Variants in CDYL2 observed in about 807,000 individuals in gnomAD.
CDYL2 encodes chromodomain Y like 2, also known as chromodomain Y-like protein 2.
Under a neutral mutation model 49.4 loss-of-function variants are expected in CDYL2, and 23 were observed. The observed-to-expected ratio is 0.47, with a 90% CI of 0.34 to 0.66. The LOEUF is 0.66. CDYL2 is among the 30% of genes least tolerant of loss of function. The pLI, the probability that CDYL2 is intolerant of heterozygous loss-of-function variation, is 0.01. For missense variants in CDYL2, 678 were observed against 656.4 expected (o/e 1.03, Z -0.36); for synonymous variants, 360 against 268.8 (o/e 1.34, Z -3.32).
chr16:80,712,215 A>ATATATATATATCTATCTC (rs763194077), intron 1 of CDYL2, among the ~76,000 whole-genome samples: 3 of 128,358 alleles, frequency 2.3e-5, no homozygotes, highest in African/African-American at 8.0e-5. Context: ...ATATATATAT[A>ATATATATATATCTATCTC]TCTCCAAACC....
intron 1 of CDYL2, among the ~76,000 whole-genome samples, chr16:80,741,716 A>C (rs1905741934): frequency 6.6e-6 from 1 of 152,240 alleles, no homozygotes; most frequent in African/African-American, 2.4e-5. Context: ...CACCAGTAAT[A>C]AAAGTATTGA....
chr16:80,625,888 T>G (rs1389489519), intron 3 of CDYL2, among the ~76,000 whole-genome samples: 1 of 152,146 alleles, frequency 6.6e-6, no homozygotes, highest in Non-Finnish European at 1.5e-5. Context: ...ATTAGGCATT[T>G]TCAGTCAAAG....
intron 3 of CDYL2, among the ~76,000 whole-genome samples, chr16:80,624,987 G>A (rs912311942): frequency 2.0e-5 from 3 of 152,156 alleles, no homozygotes; most frequent in Admixed American, 2.0e-4. Flanking sequence ...ATTCTATCAG[G>A]AGATCACAGA....
At chr16:80,610,333 G>A (rs954686027) in intron 5 of CDYL2, among the ~76,000 whole-genome samples, 9 of 152,200 alleles carry the variant, frequency 5.9e-5, no homozygotes, top group Non-Finnish European at 1.3e-4. Flanking sequence ...TCCTGAGAAT[G>A]TGCGGAGCTG....
chr16:80,772,280 A>G lies in CDYL2; in HGVS notation c.24+31870T>C, dbSNP rs139887076. On this transcript the variant is annotated intron_variant, in intron 1 of 6. Coordinates refer to ENST00000570137, the MANE Select transcript of CDYL2 (RefSeq NM_152342.4). ...AAGGCTGGACATGGAGAGGGAAGTA[A>G]AGACACAAAAATGAAAAACTGGAGA... 2.1e-3 allele frequency among the ~76,000 whole-genome samples: 317 copies of G among 152,332 alleles called. 2 individuals are homozygous for G. Among genetic ancestry groups the G allele is most frequent in the Non-Finnish European group, 2.9e-3 (197 of 68,026 alleles).
chr16:80,686,968 A>G (rs1286840685), intron 1 of CDYL2, among the ~76,000 whole-genome samples: 4 of 152,260 alleles, frequency 2.6e-5, no homozygotes, highest in Non-Finnish European at 5.9e-5. Context: ...TTGAAAAAGT[A>G]AAATCATGCC....
chr16:80,723,949 A>G (rs147815736), intron 1 of CDYL2, among the ~76,000 whole-genome samples: 1 of 147,112 alleles, frequency 6.8e-6, no homozygotes, highest in Non-Finnish European at 1.5e-5. Flanking sequence ...GAAGAGGAGA[A>G]AAAGGGGGGA....
At chr16:80,629,070 T>C (rs1907433186) in intron 3 of CDYL2, among the ~76,000 whole-genome samples, 1 of 152,154 alleles carries the variant, frequency 6.6e-6, no homozygotes, top group Non-Finnish European at 1.5e-5. Flanking sequence ...AGGACAGGTA[T>C]GTGAGGTGGG....
chr16:80,712,169 A>G (rs954498725), intron 1 of CDYL2, among the ~76,000 whole-genome samples: 4 of 109,868 alleles, frequency 3.6e-5, no homozygotes, highest in Admixed American at 1.0e-4. Flanking sequence ...GTGTATATAT[A>G]TGTGTCTTTG....
At chr16:80,723,951 AAG>A (rs1309577899) in intron 1 of CDYL2, among the ~76,000 whole-genome samples, 2 of 145,670 alleles carry the variant, frequency 1.4e-5, no homozygotes, top group Admixed American at 1.4e-4. Context: ...AGAGGAGAAA[AAG>A]GGGGGAGAAA....
intron 2 of CDYL2, among the ~76,000 whole-genome samples, chr16:80,660,309 T>C (rs974580263): frequency 4.6e-5 from 7 of 152,062 alleles, no homozygotes; most frequent in African/African-American, 1.7e-4. Context: ...TAATGTTGGG[T>C]GTATAAAATA....
chr16:80,724,657 C>G lies in CDYL2; in HGVS notation c.25-39528G>C, dbSNP rs756716389. Among the ~76,000 whole-genome samples, 4 of 152,306 alleles carry G rather than the reference C, an allele frequency of 2.6e-5. No individual in the cohort carries two copies. In the South Asian group the frequency reaches 8.3e-4, roughly 32 times the overall value. ...AGGCTTTGTTTCACATACATATACA[C>G]ACATGCATTTGTGTACTAGGCCCAT... On this transcript the variant is annotated intron_variant, in intron 1 of 6. Transcript: ENST00000570137.
At chr16:80,715,768 C>A (rs1904776793) in intron 1 of CDYL2, among the ~76,000 whole-genome samples, 1 of 152,204 alleles carries the variant, frequency 6.6e-6, no homozygotes, top group East Asian at 1.9e-4. Context: ...GCCCCTTCAC[C>A]TTCCATCTCC....
intron 1 of CDYL2, among the ~76,000 whole-genome samples, chr16:80,699,831 T>C (rs1189053568): frequency 1.3e-5 from 2 of 152,146 alleles, no homozygotes; most frequent in South Asian, 2.1e-4. Flanking sequence ...GGTTGAAAGG[T>C]ATGTGGAAAA....
intron 3 of CDYL2, among the ~76,000 whole-genome samples, chr16:80,624,412 G>A (rs1405328334): frequency 1.3e-5 from 2 of 152,182 alleles, no homozygotes; most frequent in East Asian, 1.9e-4. Flanking sequence ...ACATGGGGAA[G>A]AATCCACAAG....
At chr16:80,615,729 C>T (rs547513401) in intron 4 of CDYL2, among the ~76,000 whole-genome samples, 1 of 152,228 alleles carries the variant, frequency 6.6e-6, no homozygotes, top group Admixed American at 6.5e-5. Flanking sequence ...GAATCAGGGA[C>T]GCAAGGGAAA....
chr16:80,661,298 T>C lies in CDYL2; in HGVS notation c.616+23240A>G, dbSNP rs114230825. Among the ~76,000 whole-genome samples the C allele has an allele frequency of 3.4e-3, 517 of 152,250 alleles. 5 individuals carry two copies. The highest frequency in any genetic ancestry group is 0.012 in the African/African-American group (480 of 41,552). Reference sequence around the variant, plus strand: ...CTCAGAAACCAGGGTGGCTCCTTGATTATTATGGGCAGCTGGAGTAGAAGT... The same window carrying C: ...CTCAGAAACCAGGGTGGCTCCTTGACTATTATGGGCAGCTGGAGTAGAAGT... On this transcript the variant is annotated intron_variant, in intron 2 of 6. Transcript: ENST00000570137.
intron 1 of CDYL2, among the ~76,000 whole-genome samples, chr16:80,732,949 T>C (rs1905381800): frequency 6.6e-6 from 1 of 152,098 alleles, no homozygotes; most frequent in Non-Finnish European, 1.5e-5. Context: ...TTTTGAATTG[T>C]GTCGTGAAGT....
chr16:80,643,530 G>C (rs1908197848), intron 2 of CDYL2, among the ~76,000 whole-genome samples: 1 of 152,364 alleles, frequency 6.6e-6, no homozygotes, highest in Admixed American at 6.5e-5. Context: ...CCTTAGCAGA[G>C]GTTCTCCAAG....
Sources: allele counts gnomAD v4.1 joint callset (sites outside exome capture counted in the v4.1 genomes callset), GRCh38; gene constraint gnomAD v4.1.1; transcripts MANE v1.5; gene names NCBI Gene and HGNC (gene_info 2026-07-23, HGNC 2026-07-21).